The following ITFG1 variants were observed in gnomAD, a reference collection of about 807,000 sequenced individuals.
ITFG1 encodes the protein integrin alpha FG-GAP repeat containing 1, also known as T-cell immunomodulatory protein.
ITFG1 carries 34 observed loss-of-function variants against 81.8 expected under a neutral mutation model. The observed-to-expected ratio is 0.42, with a 90% CI of 0.32 to 0.55. The LOEUF (loss-of-function observed/expected upper bound fraction) is 0.55. ITFG1 is among the 20% of genes least tolerant of loss of function. The pLI is 0.17. For synonymous variants in ITFG1, 285 were observed against 270.6 expected, an observed-to-expected ratio of 1.05 and a Z score of -0.52; for missense variants, 672 against 755.4, an observed-to-expected ratio of 0.89 and a Z score of 1.29.
chr16:47,231,461 A>T (rs1035802181), intron 13 of ITFG1, among the ~76,000 whole-genome samples: 3 of 152,252 alleles, frequency 2.0e-5, no homozygotes, highest in African/African-American at 7.2e-5. Flanking sequence ...GATATTTATG[A>T]TAGCACCACT....
At chr16:47,272,747 T>C (rs933819957) in intron 10 of ITFG1, among the ~76,000 whole-genome samples, 5 of 151,976 alleles carry the variant, frequency 3.3e-5, no homozygotes, top group African/African-American at 1.2e-4. Context: ...GGGTGAATTG[T>C]ATGGTGTGTG....
chr16:47,262,487 C>T (rs1473141517), intron 10 of ITFG1, among the ~76,000 whole-genome samples: 1 of 152,174 alleles, frequency 6.6e-6, no homozygotes, highest in African/African-American at 2.4e-5. Context: ...AACATGAGAA[C>T]ATGTGATAAA....
chr16:47,432,855 G>A (rs1312577918), intron 5 of ITFG1, among the ~76,000 whole-genome samples: 2 of 152,160 alleles, frequency 1.3e-5, no homozygotes, highest in Non-Finnish European at 2.9e-5. Flanking sequence ...AAGCATTAAA[G>A]TATTTTAAAT....
chr16:47,187,718 TA>T (rs1385159570), intron 14 of ITFG1, among the ~76,000 whole-genome samples: 2 of 151,506 alleles, frequency 1.3e-5, no homozygotes, highest in Non-Finnish European at 2.9e-5. Flanking sequence ...ACTTCCTGTC[TA>T]AAACACCAAA....
chr16:47,232,023 G>C (rs184877095), intron 13 of ITFG1, among the ~76,000 whole-genome samples: 1 of 152,338 alleles, frequency 6.6e-6, no homozygotes, highest in Non-Finnish European at 1.5e-5. Context: ...GGGTATGGAG[G>C]AAAGGGCCAT....
chr16:47,438,451 G>A (rs903664739), intron 5 of ITFG1, among the ~76,000 whole-genome samples: 3 of 152,166 alleles, frequency 2.0e-5, no homozygotes, highest in African/African-American at 7.2e-5. Context: ...GGGGTGGACT[G>A]ATACCTCACA....
At chr16:47,194,526 G>T (rs986881185) in intron 14 of ITFG1, among the ~76,000 whole-genome samples, 4 of 152,104 alleles carry the variant, frequency 2.6e-5, no homozygotes, top group Non-Finnish European at 5.9e-5. Flanking sequence ...GAATAGTGAA[G>T]TCAGTCACTT....
chr16:47,223,028 C>A (rs941182585), intron 13 of ITFG1, among the ~76,000 whole-genome samples: 3 of 151,248 alleles, frequency 2.0e-5, no homozygotes, highest in South Asian at 2.1e-4. Flanking sequence ...AACTGGCTAG[C>A]CATATGTAGA....
chr16:47,203,896 C>T (rs899322113), intron 14 of ITFG1, among the ~76,000 whole-genome samples: 8 of 152,164 alleles, frequency 5.3e-5, no homozygotes, highest in Non-Finnish European at 8.8e-5. Flanking sequence ...GGGGAGTTAG[C>T]GTTTAATGGG....
intron 6 of ITFG1, among the ~76,000 whole-genome samples, chr16:47,394,848 A>G (rs1190509730): frequency 6.6e-6 from 1 of 152,194 alleles, no homozygotes; most frequent in Non-Finnish European, 1.5e-5. Context: ...ATTAAAAACT[A>G]AAGTTTCATG....
intron 10 of ITFG1, among the ~76,000 whole-genome samples, chr16:47,285,582 T>G (rs1966866705): frequency 6.6e-6 from 1 of 152,256 alleles, no homozygotes; most frequent in Non-Finnish European, 1.5e-5. Flanking sequence ...CTTAACCTGT[T>G]GGATCTGACA....
At chr16:47,264,545 TACACACACACACACACACAC>T (rs60424367) in intron 10 of ITFG1, among the ~76,000 whole-genome samples, 10 of 136,124 alleles carry the variant, frequency 7.3e-5, no homozygotes, top group South Asian at 2.5e-4. Context: ...TGTTCTCTAT[TACACACACACACACACACAC>T]ACACACACAC....
At chr16:47,409,404 A>ATATATATATATAT (rs1555514902) in intron 6 of ITFG1, among the ~76,000 whole-genome samples, 2 of 6,102 alleles carry the variant, frequency 3.3e-4, no homozygotes, top group Admixed American at 3.4e-3. Flanking sequence ...ATATATATAT[A>ATATATATATATAT]TTTTTTTTTT....
intron 14 of ITFG1, among the ~76,000 whole-genome samples, chr16:47,183,544 C>A (rs1051547455): frequency 1.3e-5 from 2 of 152,086 alleles, no homozygotes; most frequent in African/African-American, 4.8e-5. Context: ...CCTCGCACGG[C>A]CGGGTACTCC....
At chr16:47,326,398 C>T (rs1331520724) in intron 8 of ITFG1, among the ~76,000 whole-genome samples, 1 of 152,170 alleles carries the variant, frequency 6.6e-6, no homozygotes, top group Admixed American at 6.5e-5. Context: ...GAAGCATTCC[C>T]TTTGAAAACT....
chr16:47,377,645 T>C (rs556249435), intron 6 of ITFG1, among the ~76,000 whole-genome samples: 2 of 152,286 alleles, frequency 1.3e-5, no homozygotes, highest in East Asian at 1.9e-4. Flanking sequence ...TTGGCTGAAA[T>C]GTCCTCTTCC....
chr16:47,307,093 CAAAA>C (rs371103697), intron 10 of ITFG1, among the ~76,000 whole-genome samples: 1 of 16,472 alleles, frequency 6.1e-5, no homozygotes, highest in African/African-American at 3.3e-4. Context: ...AACTCCGTCT[CAAAA>C]AAAAAAAAAA....
intron 8 of ITFG1, among the ~76,000 whole-genome samples, chr16:47,337,191 T>A (rs1435684957): frequency 6.7e-6 from 1 of 149,830 alleles, no homozygotes; most frequent in Admixed American, 6.7e-5. Context: ...GGACAGCTGA[T>A]GAATGCTGAA....
chr16:47,236,824 ATCT>A (rs1256578942), intron 13 of ITFG1, among the ~76,000 whole-genome samples: 3 of 152,116 alleles, frequency 2.0e-5, no homozygotes, highest in East Asian at 3.9e-4. Context: ...CCTCATCCAG[ATCT>A]TCTCTTCAGG....
Sources: allele counts gnomAD v4.1 joint callset (sites outside exome capture counted in the v4.1 genomes callset), GRCh38; gene constraint gnomAD v4.1.1; transcripts MANE v1.5; gene names NCBI Gene and HGNC (gene_info 2026-07-23, HGNC 2026-07-21).